FAM114A2: variants seen among roughly 807,000 people sequenced by gnomAD.
FAM114A2 encodes protein FAM114A2.
Under a neutral mutation model 58.4 loss-of-function variants are expected in FAM114A2, and 53 were observed. The ratio of observed to expected loss-of-function variants is 0.91; its 90% CI spans 0.73 to 1.14. The LOEUF is 1.14. Ranked by LOEUF, FAM114A2 falls within the 50% of genes most tolerant of loss-of-function variation. The pLI is 0.00. For missense variants in FAM114A2, 601 were observed against 581.1 expected (o/e 1.03, Z -0.35); for synonymous variants, 228 against 211.4 (o/e 1.08, Z -0.68).
At chr5:154,017,394 A>C (rs1269929428) in intron 8 of FAM114A2, among the ~76,000 whole-genome samples, 1 of 152,254 alleles carries the variant, frequency 6.6e-6, no homozygotes, top group Admixed American at 6.5e-5. Context: ...GTGAGCCGAG[A>C]TCGTGCCATT....
At chr5:154,007,228 T>C (rs1467441113) in intron 9 of FAM114A2, among the ~76,000 whole-genome samples, 1 of 152,186 alleles carries the variant, frequency 6.6e-6, no homozygotes, top group Non-Finnish European at 1.5e-5. Flanking sequence ...ATTAATGTCA[T>C]CCACGACCAC....
At chr5:154,032,289 A>G (rs1217790299) in intron 4 of FAM114A2, among the ~76,000 whole-genome samples, 1 of 152,200 alleles carries the variant, frequency 6.6e-6, no homozygotes, top group Non-Finnish European at 1.5e-5. Context: ...CCTCAAACTT[A>G]GCAAAATAAA....
chr5:153,997,885 A>T lies in FAM114A2; in HGVS notation c.1257-10T>A, dbSNP rs766590524. 1.3e-6 allele frequency: 2 copies of T among 1,553,172 alleles called. No homozygotes were observed. The highest frequency in any genetic ancestry group is 3.6e-5 in the Admixed American group (2 of 55,932). ...CAACACAATTGTCATCCTAGGAAAGAAAGGAAAAGTCAGAAACGTTTTTTC... is the reference window on the plus strand; with the variant it reads ...CAACACAATTGTCATCCTAGGAAAGTAAGGAAAAGTCAGAAACGTTTTTTC... On this transcript the variant is annotated splice_polypyrimidine_tract_variant and intron_variant, in intron 11 of 13. Coordinates refer to ENST00000351797, the MANE Select transcript of FAM114A2 (RefSeq NM_018691.4).
intron 8 of FAM114A2, among the ~76,000 whole-genome samples, chr5:154,014,640 G>A (rs956389481): frequency 1.2e-4 from 19 of 152,140 alleles, no homozygotes; most frequent in African/African-American, 3.4e-4. Context: ...GAAGCAGTAG[G>A]AAAACCCCTG....
At position 154,033,381 on chromosome 5, in the gene FAM114A2, T is replaced by G. The variant is rs553497417; in HGVS notation, c.403+410A>C. ...ATTAAACGTAGTCTTCATAAAAATCTGAACACAAAAGGAATACACCCCCAA... is the reference window on the plus strand; with the variant it reads ...ATTAAACGTAGTCTTCATAAAAATCGGAACACAAAAGGAATACACCCCCAA... On this transcript the variant is annotated intron_variant, in intron 4 of 13. Transcript: ENST00000351797. Among the ~76,000 whole-genome samples the G allele has an allele frequency of 5.3e-5, 8 of 152,328 alleles. No homozygotes were observed. The East Asian group carries it at 1.5e-3, about 29-fold the overall frequency.
At chr5:153,995,348 A>G (rs1407373410) in intron 12 of FAM114A2, 1 of 159,312 alleles carries the variant, frequency 6.3e-6, no homozygotes, top group Admixed American at 6.2e-5. Flanking sequence ...CAAATAAATA[A>G]TGTAAATTTA....
At chr5:154,012,365 T>C (rs1261200044) in intron 8 of FAM114A2, among the ~76,000 whole-genome samples, 3 of 152,132 alleles carry the variant, frequency 2.0e-5, no homozygotes, top group African/African-American at 7.2e-5. Flanking sequence ...ATGCTCTCTT[T>C]CCCTCTCCAC....
intron 8 of FAM114A2, among the ~76,000 whole-genome samples, chr5:154,018,129 G>T (rs1771163750): frequency 6.6e-6 from 1 of 152,128 alleles, no homozygotes; most frequent in Non-Finnish European, 1.5e-5. Context: ...ACAAAAAGTT[G>T]ATTCTTTGAA....
At chr5:154,024,226 C>T (rs1395423335) in intron 8 of FAM114A2, among the ~76,000 whole-genome samples, 1 of 152,086 alleles carries the variant, frequency 6.6e-6, no homozygotes, top group African/African-American at 2.4e-5. Context: ...GGTCTCAGGA[C>T]CTTGTTCTTG....
chr5:154,022,080 T>C (rs1171726966), intron 8 of FAM114A2, among the ~76,000 whole-genome samples: 1 of 152,196 alleles, frequency 6.6e-6, no homozygotes, highest in Non-Finnish European at 1.5e-5. Context: ...CTGGGAAAAC[T>C]GGCTAGCCAT....
chr5:154,017,348 A>C (rs2113368551), intron 8 of FAM114A2, among the ~76,000 whole-genome samples: 1 of 152,378 alleles, frequency 6.6e-6, no homozygotes, highest in Admixed American at 6.5e-5. Flanking sequence ...AGGCTGAGGC[A>C]GAAGAATCCC....
Position 154,002,240 on chromosome 5 carries a change from ATTACAC to A in FAM114A2, c.1256+5_1256+10del, listed in dbSNP as rs747024457. 1.1e-5 allele frequency: 17 copies of A among 1,612,176 alleles called. No homozygotes were observed. The highest frequency in any genetic ancestry group is 1.3e-5 in the Non-Finnish European group (15 of 1,178,428). ...ATTTGCATCATTTAGAGGAATTCTC[ATTACAC>A]TTACTGGGAAAGAGTTTGGCTCCTT... On this transcript the variant is annotated splice_donor_5th_base_variant and intron_variant, in intron 11 of 13. Transcript: ENST00000351797.
At chr5:154,003,470 C>T (rs1264884328) in intron 9 of FAM114A2, among the ~76,000 whole-genome samples, 1 of 152,130 alleles carries the variant, frequency 6.6e-6, no homozygotes, top group African/African-American at 2.4e-5. Context: ...TGAGCCACTG[C>T]GCCCGGCCTC....
intron 4 of FAM114A2, among the ~76,000 whole-genome samples, chr5:154,031,312 CA>C (rs59757780): frequency 6.5e-4 from 31 of 47,838 alleles, no homozygotes; most frequent in Admixed American, 7.1e-4. Context: ...ACTCCCTCTC[CA>C]AAAAAAAAAA....
At position 153,993,029 on chromosome 5, in the gene FAM114A2, T is replaced by C; in HGVS notation, c.1465A>G (p.Ile489Val). 1 of 1,613,674 alleles carries C rather than the reference T, an allele frequency of 6.2e-7. No individual in the cohort carries two copies. The highest frequency in any genetic ancestry group is 8.5e-7 in the Non-Finnish European group (1 of 1,179,638). Residue 489 changes from isoleucine (I) to valine (V), a missense_variant, in exon 14 of 14, where the codon ATT becomes GTT. Ile to Val is a conservative substitution (Grantham distance 29). Transcript: ENST00000351797. ...VLEISLIENK[I>V]ESHRHELQGQ... ...TGCAGCTCATGTCTGTGTGATTCAA[T>C]CTTGTTCTCAATGAGAGAGATCTCT...
At chr5:154,031,459 A>G (rs2113489039) in intron 4 of FAM114A2, among the ~76,000 whole-genome samples, 1 of 152,246 alleles carries the variant, frequency 6.6e-6, no homozygotes, top group East Asian at 1.9e-4. Flanking sequence ...TCAATGGCCT[A>G]TGCTTATCTC....
chr5:154,006,697 T>C (rs1036563541), intron 9 of FAM114A2, among the ~76,000 whole-genome samples: 1 of 151,162 alleles, frequency 6.6e-6, no homozygotes, highest in African/African-American at 2.4e-5. Context: ...AGTAAAAAAA[T>C]GAAGGATTAA....
chr5:154,025,582 A>T (rs541609982), intron 8 of FAM114A2, among the ~76,000 whole-genome samples: 1 of 152,274 alleles, frequency 6.6e-6, no homozygotes, highest in African/African-American at 2.4e-5. Flanking sequence ...AACCTACTAC[A>T]TGGGTGATTG....
intron 8 of FAM114A2, among the ~76,000 whole-genome samples, chr5:154,017,611 A>G (rs1049658026): frequency 5.9e-5 from 9 of 152,212 alleles, no homozygotes; most frequent in Non-Finnish European, 1.2e-4. Context: ...TATACACAGA[A>G]CATTCTACCC....
Sources: allele counts gnomAD v4.1 joint callset (sites outside exome capture counted in the v4.1 genomes callset), GRCh38; gene constraint gnomAD v4.1.1; transcripts MANE v1.5; gene names NCBI Gene and HGNC (gene_info 2026-07-23, HGNC 2026-07-21).